IDI1: variants seen among roughly 807,000 people sequenced by gnomAD.
IDI1 encodes isopentenyl-diphosphate Delta-isomerase 1.
In IDI1, 23 loss-of-function variants were observed where a neutral mutation model predicts 32.9. The ratio of observed to expected loss-of-function variants is 0.70; its 90% confidence interval spans 0.50 to 0.99. The LOEUF (loss-of-function observed/expected upper bound fraction) is 0.99, where lower values mean the gene tolerates loss of function less well. IDI1 is among the 50% of genes least tolerant of loss of function. The probability of loss-of-function intolerance (pLI) is 0.00; values close to 1 mark genes in which losing one functional copy is unlikely to be tolerated. For synonymous variants in IDI1, 133 were observed against 128.2 expected (o/e 1.04, Z -0.25); for missense variants, 326 against 351.9 (o/e 0.93, Z 0.59).
intron 1 of IDI1, among the ~76,000 whole-genome samples, chr10:1,045,976 C>G (rs1161056195): frequency 6.6e-6 from 1 of 151,884 alleles, no homozygotes; most frequent in Non-Finnish European, 1.5e-5. Context: ...ATGATTAAAA[C>G]AAATCAAGAG....
chr10:1,044,201 CCAT>C, intron 1 of IDI1, 30 bp from the exon 2 acceptor site: 1 of 1,549,138 alleles, frequency 6.5e-7, no homozygotes, highest in East Asian at 2.3e-5. Context: ...GAAAGAAAGG[CCAT>C]CATATATTTT....
At chr10:1,046,228 G>A (rs1039307258) in intron 1 of IDI1, among the ~76,000 whole-genome samples, 2 of 152,094 alleles carry the variant, frequency 1.3e-5, no homozygotes, top group Non-Finnish European at 2.9e-5. Context: ...ATGGTGTTTC[G>A]GTACACTACA....
upstream of IDI1, among the ~76,000 whole-genome samples, chr10:1,052,728 A>G (rs899646515): frequency 1.3e-5 from 2 of 152,216 alleles, no homozygotes; most frequent in African/African-American, 4.8e-5. Flanking sequence ...TAGAATTAGC[A>G]TAACGCTTAA....
Position 1,041,485 on chromosome 10 carries a change from T to C in IDI1, c.557A>G (p.Asn186Ser), listed in dbSNP as rs766204078. Residue 186 changes from asparagine (N) to serine (S), a missense_variant, in exon 5 of 5, where the codon AAT (asparagine) becomes AGT (serine). This residue lies in a region of IDI1 where 205 missense variants were observed against 273.5 expected (regional missense o/e 0.75). Coordinates refer to ENST00000381344, the MANE Select transcript of IDI1 (RefSeq NM_004508.4). The part of the protein sequence containing the change: ...PLEEVPPEEI[N>S]YLTRIHYKAQ... ...TTTGTAGTGAATTCGTGTTAAATAA[T>C]TAATTTCTTCTGGAGGAACCTAAGA... is the stretch of plus-strand genomic sequence containing the variant. The C allele has an allele frequency of 2.5e-6, 4 of 1,572,086 alleles. No individual in the cohort carries two copies. The highest frequency in any genetic ancestry group is 2.6e-6 in the Non-Finnish European group (3 of 1,155,362).
upstream of IDI1, chr10:1,049,316 T>G (rs1032845250): frequency 1.3e-5 from 5 of 391,834 alleles, no homozygotes; most frequent in Non-Finnish European, 2.3e-5. Context: ...TCGCGTTCCA[T>G]GGAGGAAGCC....
chr10:1,049,280 G>C, upstream of IDI1: 1 of 496,256 alleles, frequency 2.0e-6, no homozygotes. Context: ...GCTGCGAACG[G>C]TGCCTAACGT....
rs2131584610 is a variant in IDI1 at position 1,048,939 on chromosome 10, G to A, written c.65C>T (p.Ala22Val). The change falls in exon 1 of 5, where the codon GCG becomes GTG. Residue 22 changes from alanine to valine, a missense_variant. By Grantham distance (64) the Ala-to-Val change is moderately conservative. Transcript: ENST00000381344. ...GCAARGRGQW[A>V]VRAADCAQSG... ...TTGAGCACAGTCTGCGGCGCGCACC[G>A]CCCACTGGCCCCGCCCCCGGGCCGC... 2 of 1,583,126 alleles carry A rather than the reference G, an allele frequency of 1.3e-6. No individual in the cohort carries two copies. The highest frequency in any genetic ancestry group is 1.7e-6 in the Non-Finnish European group (2 of 1,168,008).
upstream of IDI1, among the ~76,000 whole-genome samples, chr10:1,050,960 T>G (rs1832994937): frequency 6.6e-6 from 1 of 152,278 alleles, no homozygotes; most frequent in African/African-American, 2.4e-5. Context: ...TTATCTTGGT[T>G]ATTCTTTTTC....
At chr10:1,054,803 G>A in the IDI1 span, among the ~76,000 whole-genome samples, 1 of 152,204 alleles carries the variant, frequency 6.6e-6, no homozygotes, top group Non-Finnish European at 1.5e-5. Context: ...CAGGGTTGTT[G>A]TGGATATGAT....
intron 1 of IDI1, 169 bp downstream of exon 1, chr10:1,048,695 C>T: frequency 1.4e-6 from 2 of 1,415,578 alleles, no homozygotes; most frequent in Non-Finnish European, 1.8e-6. Flanking sequence ...CGGGAAGGCC[C>T]GGCCTCCCTC....
the IDI1 span, among the ~76,000 whole-genome samples, chr10:1,055,478 T>G: frequency 1.1e-4 from 16 of 152,338 alleles, no homozygotes; most frequent in Non-Finnish European, 4.4e-5. Context: ...AGAATGCGGG[T>G]TAATTAGATG....
Position 1,043,373 on chromosome 10 carries a change from T to C in IDI1, c.334A>G (p.Ser112Gly). ...IEKGLLHRAF[S>G]VFLFNTENKL... is the part of the protein sequence containing the mutation. ...TTTTCGGTGTTGAATAAGAAGACAC[T>C]AAAAGCTCGATGCAATAATCCTGAA... The change falls in exon 3 of 5, where the codon AGT (serine) becomes GGT (glycine). Residue 112 changes from serine to glycine, a missense_variant. Ser to Gly is a moderately conservative substitution (Grantham distance 56, BLOSUM62 0). This residue lies in a region of IDI1 where 205 missense variants were observed against 273.5 expected (regional missense o/e 0.75). Coordinates refer to ENST00000381344, the MANE Select transcript of IDI1 (RefSeq NM_004508.4). 1 of 1,607,990 alleles carries C rather than the reference T, an allele frequency of 6.2e-7. No individual in the cohort carries two copies. The highest frequency in any genetic ancestry group is 8.5e-7 in the Non-Finnish European group (1 of 1,174,350).
upstream of IDI1, chr10:1,049,138 T>TTTAAA: frequency 1.5e-6 from 2 of 1,376,132 alleles, no homozygotes; most frequent in Non-Finnish European, 1.9e-6. Context: ...CCGCGGGCTC[T>TTTAAA]GGCGCCTTTA....
At chr10:1,054,366 T>C in the IDI1 span, among the ~76,000 whole-genome samples, 3 of 152,226 alleles carry the variant, frequency 2.0e-5, no homozygotes, top group East Asian at 3.8e-4. Context: ...TATAACACTA[T>C]AGTGTACTAT....
At chr10:1,050,451 G>A (rs1182878724), upstream of IDI1, among the ~76,000 whole-genome samples, 1 of 151,528 alleles carries the variant, frequency 6.6e-6, no homozygotes, top group Non-Finnish European at 1.5e-5. Flanking sequence ...AAAAAATAAG[G>A]ATTAAGTTCC....
the IDI1 span, among the ~76,000 whole-genome samples, chr10:1,055,992 A>G: frequency 2.6e-5 from 4 of 152,090 alleles, no homozygotes; most frequent in Admixed American, 1.3e-4. Context: ...TATTTTTAGT[A>G]AAGACAGGGT....
intron 2 of IDI1, 189 bp from the exon 3 acceptor site, chr10:1,043,582 G>T (rs751895313): frequency 2.9e-6 from 2 of 687,192 alleles, no homozygotes; most frequent in African/African-American, 3.5e-5. Flanking sequence ...GAAGTTGGCC[G>T]TCGAGTGAAG....
intron 1 of IDI1, among the ~76,000 whole-genome samples, chr10:1,045,325 G>A (rs1832768851): frequency 6.6e-6 from 1 of 152,162 alleles, no homozygotes; most frequent in African/African-American, 2.4e-5. Context: ...TGACCTTGAA[G>A]TTTTTTATTC....
chr10:1,043,254 T>C (rs1240243341), intron 3 of IDI1, 47 bp downstream of exon 3: 2 of 1,146,922 alleles, frequency 1.7e-6, no homozygotes, highest in Non-Finnish European at 2.6e-6. Context: ...TGATAAAAAG[T>C]CAAATTAATG....
Sources: allele counts gnomAD v4.1 joint callset (sites outside exome capture counted in the v4.1 genomes callset), GRCh38; gene constraint gnomAD v4.1.1; regional missense constraint gnomAD v4.1.1; transcripts MANE v1.5; gene names NCBI Gene and HGNC (gene_info 2026-07-23, HGNC 2026-07-21).